GPC1: variants seen among roughly 807,000 people sequenced by gnomAD.
The protein encoded by GPC1 is glypican-1.
A neutral mutation model predicts 51.5 loss-of-function variants in GPC1; 26 were observed. That is an observed-to-expected ratio of 0.50 (90% confidence interval 0.37 to 0.70). The LOEUF is 0.70. Among genes scored for constraint, GPC1 ranks in the 30% least tolerant of loss-of-function variants. The pLI, the probability that GPC1 is intolerant of heterozygous loss-of-function variation, is 0.00. For missense variants in GPC1, 775 were observed against 800.5 expected, an observed-to-expected ratio of 0.97 and a Z score of 0.38; for synonymous variants, 380 against 348.3, an observed-to-expected ratio of 1.09 and a Z score of -1.01.
At chr2:240,461,969 AC>A (rs1559202050) in intron 2 of GPC1, among the ~76,000 whole-genome samples, 1 of 151,134 alleles carries the variant, frequency 6.6e-6, no homozygotes, top group African/African-American at 2.4e-5. Flanking sequence ...ACCCGAGAGG[AC>A]CCCCTGCCAC....
intron 1 of GPC1, chr2:240,457,585 GC>G (rs749733315): frequency 1.7e-5 from 7 of 415,418 alleles, no homozygotes; most frequent in Non-Finnish European, 3.6e-5. Flanking sequence ...CACTGCCTGC[GC>G]TGCTCCAGGC....
intron 1 of GPC1, chr2:240,452,964 G>A (rs993497072): frequency 5.9e-6 from 2 of 337,938 alleles, no homozygotes; most frequent in Non-Finnish European, 1.2e-5. Context: ...CCCGGCCCGA[G>A]CACCTGCACC....
At position 240,438,633 on chromosome 2, in the gene GPC1, G is replaced by A. The variant is rs111671022; in HGVS notation, c.166+2549G>A. Among the ~76,000 whole-genome samples, 140 of 152,346 alleles carry A rather than the reference G, an allele frequency of 9.2e-4. 1 individual carries two copies. Among genetic ancestry groups the A allele is most frequent in the African/African-American group, 2.9e-3 (122 of 41,576 alleles). On this transcript the variant is annotated intron_variant, in intron 1 of 8. Transcript: ENST00000264039. ...TGGGGTAGAGATCTGATACTTCCTC[G>A]TGGGAAGGAGAGCAGTTGGCCCTGG...
At position 240,466,486 on chromosome 2, in the gene GPC1, A is replaced by C. The variant is rs1479317383; in HGVS notation, c.*196A>C. 1 of 577,568 alleles carries C rather than the reference A, an allele frequency of 1.7e-6. No individual in the cohort carries two copies. Among genetic ancestry groups the C allele is most frequent in the Non-Finnish European group, 3.1e-6 (1 of 324,786 alleles). 35.8% of individuals were successfully genotyped at this position (577,568 alleles called of 1,614,324 possible). On this transcript the variant is annotated 3_prime_UTR_variant, in exon 9 of 9. Transcript: ENST00000264039. ...CCTTTCTGCCTTTTAATTTTGTATGAGGTCCTCAGGTCAGCTGGGAGCCAG... is the reference window on the plus strand; with the variant it reads ...CCTTTCTGCCTTTTAATTTTGTATGCGGTCCTCAGGTCAGCTGGGAGCCAG...
At chr2:240,436,750 T>G (rs933325374) in intron 1 of GPC1, among the ~76,000 whole-genome samples, 1 of 152,184 alleles carries the variant, frequency 6.6e-6, no homozygotes, top group African/African-American at 2.4e-5. Flanking sequence ...TCGAAGAACT[T>G]GTACGCGCCG....
rs11693260 is a variant in GPC1 at position 240,456,339 on chromosome 2, G to T, written c.167-2691G>T. On this transcript the variant is annotated intron_variant, in intron 1 of 8. Coordinates refer to ENST00000264039, the MANE Select transcript of GPC1 (RefSeq NM_002081.3). ...GTGGTGGGGGCTGGGGAGTGGGTCC[G>T]CCGGGACCTCGCGAGGGAGGGGCAC... Among the ~76,000 whole-genome samples the T allele has an allele frequency of 1.3e-4, 20 of 152,166 alleles. No homozygotes were observed. The East Asian group carries it at 3.5e-3, about 27-fold the overall frequency.
At chr2:240,450,412 C>G (rs990289271) in intron 1 of GPC1, 1 of 354,426 alleles carries the variant, frequency 2.8e-6, no homozygotes, top group Non-Finnish European at 5.7e-6. Context: ...GGCTGTTCCT[C>G]GTGCTGGGCC....
intron 1 of GPC1, among the ~76,000 whole-genome samples, chr2:240,441,411 C>A (rs1462071391): frequency 6.6e-6 from 1 of 152,218 alleles, no homozygotes; most frequent in Admixed American, 6.5e-5. Context: ...GGCTGGACGC[C>A]TTTTCTTAAG....
chr2:240,457,921 C>G (rs1299476910), intron 1 of GPC1: 1 of 390,422 alleles, frequency 2.6e-6, no homozygotes, highest in Non-Finnish European at 5.4e-6. Context: ...CCCCCCTTGA[C>G]CCCACCCCTC....
intron 1 of GPC1, chr2:240,451,287 T>A (rs1189026461): frequency 4.3e-6 from 2 of 470,568 alleles, no homozygotes; most frequent in African/African-American, 2.0e-5. Flanking sequence ...CTTTGTGGAC[T>A]GGAATGTGGC....
In GPC1 at chr2:240,463,556, G is replaced by A. The variant is rs998888242; in HGVS notation, c.883+44G>A. 4 of 1,564,898 alleles carry A rather than the reference G, an allele frequency of 2.6e-6. No individual in the cohort carries two copies. The Admixed American group carries it at 6.8e-5, about 27-fold the overall frequency. On this transcript the variant is annotated intron_variant, in intron 4 of 8. Coordinates refer to ENST00000264039, the MANE Select transcript of GPC1 (RefSeq NM_002081.3). ...GAGCGGCCTGGAACTGTCTTGGGGA[G>A]TGCACGACTGGGGGTCCTGGGGGGC...
chr2:240,466,189 G>A lies in GPC1; in HGVS notation c.1576G>A (p.Gly526Arg), dbSNP rs776727583. The A allele has an allele frequency of 1.9e-6, 3 of 1,612,718 alleles. No individual in the cohort carries two copies. The highest frequency in any genetic ancestry group is 1.3e-5 in the African/African-American group (1 of 74,890). Residue 526 changes from glycine (G) to arginine (R), a missense_variant, in exon 9 of 9, where the codon GGA becomes AGA. Coordinates refer to ENST00000264039, the MANE Select transcript of GPC1 (RefSeq NM_002081.3). ...CCTCCCAGGCCTGTCAGAGCAGGAA[G>A]GACAGAAGACCTCGGCTGCCAGCTG... The part of the protein sequence containing the change: ...HALPGLSEQE[G>R]QKTSAASCPQ...
intron 2 of GPC1, among the ~76,000 whole-genome samples, chr2:240,460,988 C>T (rs992426642): frequency 1.3e-5 from 2 of 152,060 alleles, no homozygotes; most frequent in African/African-American, 4.8e-5. Context: ...CCTGTGTCCG[C>T]CCCCCCACCA....
chr2:240,451,187 G>C (rs1240835382), intron 1 of GPC1: 1 of 471,226 alleles, frequency 2.1e-6, no homozygotes, highest in Non-Finnish European at 4.4e-6. Flanking sequence ...GCACCCAAGG[G>C]TTTGCTCTGG....
At chr2:240,437,701 G>C (rs978587458) in intron 1 of GPC1, among the ~76,000 whole-genome samples, 3 of 152,182 alleles carry the variant, frequency 2.0e-5, no homozygotes, top group Non-Finnish European at 4.4e-5. Flanking sequence ...TCCCTCCCCA[G>C]GCACCAGGGT....
At chr2:240,441,389 G>A (rs1321620278) in intron 1 of GPC1, among the ~76,000 whole-genome samples, 2 of 53,438 alleles carry the variant, frequency 3.7e-5, no homozygotes, top group East Asian at 5.1e-4. Flanking sequence ...TGCCGTGCCC[G>A]GGCCAGTGAG....
chr2:240,445,183 A>G (rs1256923989), intron 1 of GPC1, among the ~76,000 whole-genome samples: 1 of 152,100 alleles, frequency 6.6e-6, no homozygotes, highest in Non-Finnish European at 1.5e-5. Flanking sequence ...CACACCCAGG[A>G]TGGTAGGTGT....
intron 1 of GPC1, chr2:240,453,195 C>A: frequency 4.9e-6 from 1 of 204,262 alleles, no homozygotes; most frequent in South Asian, 5.2e-5. Flanking sequence ...GCCCCATCCC[C>A]TTTCCGCCCC....
intron 1 of GPC1, chr2:240,458,045 T>C (rs1364780491): frequency 2.1e-6 from 1 of 470,896 alleles, no homozygotes; most frequent in Non-Finnish European, 4.4e-6. Context: ...GCCCCGTCAG[T>C]GTGGAGTCCT....
Sources: gnomAD v4.1 joint callset for allele counts (sites outside exome capture counted in the v4.1 genomes callset) on GRCh38, gnomAD v4.1.1 for gene constraint, MANE v1.5 for transcripts, NCBI Gene and HGNC (gene_info 2026-07-23, HGNC 2026-07-21) for gene names.